The following GGA2 variants were observed in gnomAD, a reference collection of about 807,000 sequenced individuals.
GGA2 encodes ADP-ribosylation factor-binding protein GGA2.
A neutral mutation model predicts 79.5 loss-of-function variants in GGA2; 48 were observed. That is an observed-to-expected ratio of 0.60 (90% CI 0.48 to 0.77). The LOEUF is 0.77. Ranked by LOEUF, GGA2 falls within the 30% of genes least tolerant of loss-of-function variation. The pLI, the probability that GGA2 is intolerant of heterozygous loss-of-function variation, is 0.00. For missense variants in GGA2, 770 were observed against 774.0 expected (o/e 0.99, Z 0.06); for synonymous variants, 317 against 302.0 (o/e 1.05, Z -0.51).
At chr16:23,499,320 A>G (rs1964893930) in intron 1 of GGA2, among the ~76,000 whole-genome samples, 1 of 151,700 alleles carries the variant, frequency 6.6e-6, no homozygotes, top group Non-Finnish European at 1.5e-5. Flanking sequence ...AATTTTTTGT[A>G]TTTTCAGTAG....
intron 2 of GGA2, chr16:23,495,366 C>T (rs1964841822): frequency 1.1e-5 from 2 of 186,196 alleles, no homozygotes; most frequent in African/African-American, 4.6e-5. Flanking sequence ...AGTGAGCTAT[C>T]CTGTGTTTTT....
intron 14 of GGA2, among the ~76,000 whole-genome samples, chr16:23,470,501 G>A (rs1244766811): frequency 3.3e-5 from 5 of 152,082 alleles, no homozygotes; most frequent in East Asian, 1.9e-4. Flanking sequence ...GGGGGCTCAC[G>A]CCTGTAATCC....
At chr16:23,515,129 T>G (rs1001741702), upstream of GGA2, among the ~76,000 whole-genome samples, 1 of 151,472 alleles carries the variant, frequency 6.6e-6, no homozygotes, top group Non-Finnish European at 1.5e-5. Flanking sequence ...GGTTTTTTTT[T>G]TCCTTAATCT....
rs1216203427 is a variant in GGA2, at chr16:23,464,649, C to T, written c.*2941G>A. On this transcript the variant is annotated 3_prime_UTR_variant, in exon 17 of 17. Coordinates refer to ENST00000309859, the MANE Select transcript of GGA2 (RefSeq NM_015044.4). ...AGAAAACAGGCCAAATGACATGCAA[C>T]TACTCTGCGGATACAGACGAAGCAG... 1 of 152,126 alleles carries T rather than the reference C, an allele frequency of 6.6e-6. No homozygotes were observed. Among genetic ancestry groups the T allele is most frequent in the Non-Finnish European group, 1.5e-5 (1 of 68,128 alleles). 9.4% of individuals were successfully genotyped at this position (152,126 alleles called of 1,614,324 possible).
intron 5 of GGA2, 121 bp downstream of exon 5, chr16:23,491,556 T>G: frequency 1.8e-6 from 1 of 540,800 alleles, no homozygotes; most frequent in Non-Finnish European, 3.1e-6. Flanking sequence ...AAACTCTACC[T>G]CAGTGTCTAT....
upstream of GGA2, chr16:23,522,819 G>C (rs936217082): frequency 1.3e-5 from 2 of 152,222 alleles, no homozygotes; most frequent in Non-Finnish European, 1.5e-5. Flanking sequence ...GTCTCCCATA[G>C]AGGTCACAAG....
Position 23,494,375 on chromosome 16 carries a change from G to A in GGA2, c.180C>T (p.Pro60=). ...GGGCCAGTAGCCAGGGCGCATGTGT[G>A]GGGCTACAGGGAAACAAAAAGACCT... The part of the protein sequence containing the change: ...CEQVNTDPNG[P]THAPWLLAHK... Residue 60 remains proline, a synonymous_variant, in exon 3 of 17, where the codon CCC becomes CCT. Coordinates refer to ENST00000309859, the MANE Select transcript of GGA2 (RefSeq NM_015044.4). The A allele has an allele frequency of 6.2e-7, 1 of 1,608,178 alleles. No individual in the cohort carries two copies. The highest frequency in any genetic ancestry group is 8.5e-7 in the Non-Finnish European group (1 of 1,174,526).
Position 23,479,813 on chromosome 16 carries a change from T to C in GGA2, c.1081A>G (p.Met361Val). 6.2e-7 allele frequency: 1 copy of C among 1,614,150 alleles called. No individual in the cohort carries two copies. Among genetic ancestry groups the C allele is most frequent in the East Asian group, 2.2e-5 (1 of 44,886 alleles). The change falls in exon 11 of 17, where the codon ATG (methionine) becomes GTG (valine). Residue 361 changes from methionine (M) to valine (V), a missense_variant. Met to Val is a conservative substitution (Grantham distance 21). Coordinates refer to ENST00000309859, the MANE Select transcript of GGA2 (RefSeq NM_015044.4). ...AGCAAAGATGGCACCACAGTCCCCA[T>C]CTGCGCAGGTCCATTGTCCACCTCC... is the stretch of plus-strand genomic sequence containing the variant. ...DLEVDNGPAQ[M>V]GTVVPSLLHQ...
chr16:23,472,665 G>A (rs557274697), intron 14 of GGA2, among the ~76,000 whole-genome samples: 18 of 150,446 alleles, frequency 1.2e-4, no homozygotes, highest in East Asian at 1.0e-3. Flanking sequence ...CTGAGATGGC[G>A]CCACTGCACT....
intron 1 of GGA2, among the ~76,000 whole-genome samples, chr16:23,503,061 C>T (rs1964936919): frequency 6.6e-6 from 1 of 152,146 alleles, no homozygotes; most frequent in African/African-American, 2.4e-5. Context: ...TTGTTCAGAA[C>T]ATTTGAATAT....
At chr16:23,492,797 G>C (rs1964805769) in intron 4 of GGA2, among the ~76,000 whole-genome samples, 1 of 152,364 alleles carries the variant, frequency 6.6e-6, no homozygotes, top group Admixed American at 6.5e-5. Flanking sequence ...GGACACATGA[G>C]ACTCACGGCT....
chr16:23,511,402 G>C (rs1965060542), upstream of GGA2, among the ~76,000 whole-genome samples: 1 of 151,280 alleles, frequency 6.6e-6, no homozygotes. Flanking sequence ...CTCGTGATCT[G>C]CCCGCTTCGC....
At chr16:23,504,550 C>G (rs1485683658) in intron 1 of GGA2, among the ~76,000 whole-genome samples, 1 of 152,200 alleles carries the variant, frequency 6.6e-6, no homozygotes, top group Non-Finnish European at 1.5e-5. Context: ...AACACATAAT[C>G]CCAGCCTGCA....
At chr16:23,508,063 CTTTTT>C (rs397855668) in intron 1 of GGA2, among the ~76,000 whole-genome samples, 1 of 138,418 alleles carries the variant, frequency 7.2e-6, no homozygotes, top group Admixed American at 7.3e-5. Flanking sequence ...ACTCCGGCTA[CTTTTT>C]TTTTTTTTTT....
At chr16:23,520,562 T>C (rs1294246420) in intron 1 of GGA2, among the ~76,000 whole-genome samples, 1 of 151,504 alleles carries the variant, frequency 6.6e-6, no homozygotes, top group Non-Finnish European at 1.5e-5. Flanking sequence ...GAGGCTGAGA[T>C]AGGAGGATCT....
intron 2 of GGA2, among the ~76,000 whole-genome samples, chr16:23,516,939 C>T (rs1324321786): frequency 2.0e-5 from 3 of 151,928 alleles, no homozygotes; most frequent in African/African-American, 7.3e-5. Context: ...ACTGTGGCTG[C>T]TGCAGATGCT....
chr16:23,510,583 AT>A (rs1185163386), upstream of GGA2: 1 of 387,194 alleles, frequency 2.6e-6, no homozygotes, highest in African/African-American at 2.1e-5. Flanking sequence ...CGGCCGGAAC[AT>A]TTCTTAGTCC....
intron 14 of GGA2, 22 bp from the exon 15 acceptor site, chr16:23,470,187 GAA>G (rs746495375): frequency 1.3e-6 from 2 of 1,568,108 alleles, no homozygotes; most frequent in Admixed American, 3.7e-5. Flanking sequence ...GGCACAAGCA[GAA>G]GGTTTAACAC....
intron 1 of GGA2, among the ~76,000 whole-genome samples, chr16:23,521,266 A>G (rs1227651291): frequency 6.6e-6 from 1 of 152,142 alleles, no homozygotes; most frequent in African/African-American, 2.4e-5. Context: ...TCTATACCCT[A>G]AACAGTAACT....
Sources: gnomAD v4.1 joint callset for allele counts (sites outside exome capture counted in the v4.1 genomes callset) on GRCh38, gnomAD v4.1.1 for gene constraint, MANE v1.5 for transcripts, NCBI Gene and HGNC (gene_info 2026-07-23, HGNC 2026-07-21) for gene names.